POFUT3: variants seen among roughly 807,000 people sequenced by gnomAD.
POFUT3 encodes the protein protein O-fucosyltransferase 3.
At chr8:33,385,687 G>T in the POFUT3 span, among the ~76,000 whole-genome samples, 1 of 152,112 alleles carries the variant, frequency 6.6e-6, no homozygotes, top group African/African-American at 2.4e-5. Flanking sequence ...TTCGAGATCA[G>T]CCTGGCCAAC....
At chr8:33,467,523 G>T in the POFUT3 span, among the ~76,000 whole-genome samples, 5 of 152,010 alleles carry the variant, frequency 3.3e-5, no homozygotes, top group South Asian at 2.1e-4. Flanking sequence ...ATCCACGGCA[G>T]GTACCATCTG....
chr8:33,385,788 G>A, the POFUT3 span, among the ~76,000 whole-genome samples: 3 of 152,180 alleles, frequency 2.0e-5, no homozygotes, highest in Non-Finnish European at 2.9e-5. Context: ...GGAGGCTGAG[G>A]CAGGAGAATC....
chr8:33,412,474 G>C, the POFUT3 span, among the ~76,000 whole-genome samples: 1 of 152,208 alleles, frequency 6.6e-6, no homozygotes, highest in African/African-American at 2.4e-5. Flanking sequence ...GTACAGCACA[G>C]GGAAATGCTG....
chr8:33,457,761 A>C, the POFUT3 span, among the ~76,000 whole-genome samples: 1 of 152,168 alleles, frequency 6.6e-6, no homozygotes, highest in Non-Finnish European at 1.5e-5. Context: ...ATGCAACTAA[A>C]AAGTAAAATT....
the POFUT3 span, among the ~76,000 whole-genome samples, chr8:33,470,744 T>C: frequency 2.0e-5 from 3 of 152,208 alleles, no homozygotes; most frequent in Non-Finnish European, 2.9e-5. Flanking sequence ...TATATATTCA[T>C]GAATGAGGAG....
At chr8:33,378,570 C>T in the POFUT3 span, among the ~76,000 whole-genome samples, 8 of 152,186 alleles carry the variant, frequency 5.3e-5, no homozygotes, top group East Asian at 1.4e-3. Flanking sequence ...GTGAAGACAA[C>T]AAAGAACCTG....
chr8:33,318,317 T>G, the POFUT3 span, among the ~76,000 whole-genome samples: 1 of 151,066 alleles, frequency 6.6e-6, no homozygotes, highest in African/African-American at 2.4e-5. Flanking sequence ...GCTTAAAAGC[T>G]CAGGCTAGAA....
chr8:33,373,948 C>T, the POFUT3 span, among the ~76,000 whole-genome samples: 1 of 152,166 alleles, frequency 6.6e-6, no homozygotes, highest in African/African-American at 2.4e-5. Context: ...ACCAGTTATA[C>T]GTTATGTTGG....
chr8:33,318,967 T>C, the POFUT3 span, among the ~76,000 whole-genome samples: 15 of 43,028 alleles, frequency 3.5e-4, 4 homozygotes, highest in Non-Finnish European at 4.0e-4. Flanking sequence ...TAAATATATT[T>C]TACATATATT....
the POFUT3 span, among the ~76,000 whole-genome samples, chr8:33,355,892 A>T: frequency 2.6e-5 from 4 of 152,034 alleles, no homozygotes; most frequent in South Asian, 2.1e-4. Flanking sequence ...TCATTGTTCA[A>T]TTCCCACCTA....
the POFUT3 span, chr8:33,461,445 C>T: frequency 2.0e-5 from 33 of 1,613,474 alleles, no homozygotes; most frequent in African/African-American, 4.0e-5. Flanking sequence ...CCTCTGAATC[C>T]GCACCATGCT....
At chr8:33,375,446 G>T in the POFUT3 span, among the ~76,000 whole-genome samples, 1 of 152,160 alleles carries the variant, frequency 6.6e-6, no homozygotes, top group South Asian at 2.1e-4. Context: ...GGCTCCGGGA[G>T]AGATCCCTTC....
At chr8:33,419,783 T>A in the POFUT3 span, among the ~76,000 whole-genome samples, 1 of 152,226 alleles carries the variant, frequency 6.6e-6, no homozygotes, top group Non-Finnish European at 1.5e-5. Flanking sequence ...TTATGTAATA[T>A]GTTAGGTCAT....
chr8:33,433,995 G>A, the POFUT3 span, among the ~76,000 whole-genome samples: 3 of 150,568 alleles, frequency 2.0e-5, no homozygotes, highest in African/African-American at 2.4e-5. Flanking sequence ...CGGGTGCAGC[G>A]GCTCATGCCT....
At chr8:33,343,379 A>G in the POFUT3 span, among the ~76,000 whole-genome samples, 7 of 152,240 alleles carry the variant, frequency 4.6e-5, no homozygotes, top group African/African-American at 1.7e-4. Flanking sequence ...TTCTAAAATT[A>G]GCAGGAAAAG....
chr8:33,359,832 C>T, the POFUT3 span, among the ~76,000 whole-genome samples: 2 of 151,928 alleles, frequency 1.3e-5, no homozygotes, highest in African/African-American at 2.4e-5. Flanking sequence ...ATGGTGAAAC[C>T]CCATCTCTAC....
At chr8:33,436,134 A>G in the POFUT3 span, 1 of 1,219,536 alleles carries the variant, frequency 8.2e-7, no homozygotes, top group Non-Finnish European at 1.1e-6. Context: ...GGAAAGGAAG[A>G]GAAGGTCTCA....
the POFUT3 span, among the ~76,000 whole-genome samples, chr8:33,322,721 A>G: frequency 6.6e-6 from 1 of 152,200 alleles, no homozygotes; most frequent in Admixed American, 6.5e-5. Flanking sequence ...CTGCAAATGC[A>G]TCATTTGATA....
the POFUT3 span, among the ~76,000 whole-genome samples, chr8:33,330,827 C>T: frequency 4.6e-5 from 7 of 152,236 alleles, no homozygotes; most frequent in South Asian, 1.2e-3. Context: ...CCTTCCCAGG[C>T]GTGCCATGGT....
Sources: gnomAD v4.1 joint callset for allele counts (sites outside exome capture counted in the v4.1 genomes callset) on GRCh38, gnomAD v4.1.1 for gene constraint, MANE v1.5 for transcripts, NCBI Gene and HGNC (gene_info 2026-07-23, HGNC 2026-07-21) for gene names.